The following NMT2 variants were observed in gnomAD, a reference collection of about 807,000 sequenced individuals.
The protein encoded by NMT2 is glycylpeptide N-tetradecanoyltransferase 2.
A neutral mutation model predicts 65.4 loss-of-function variants in NMT2; 35 were observed. The observed-to-expected ratio is 0.54, with a 90% CI of 0.41 to 0.71. The LOEUF is 0.71. NMT2 is among the 30% of genes least tolerant of loss of function. The probability of loss-of-function intolerance (pLI) is 0.00; values close to 1 mark genes in which losing one functional copy is unlikely to be tolerated. For synonymous variants in NMT2, 226 were observed against 231.8 expected, an observed-to-expected ratio of 0.98 and a Z score of 0.23; for missense variants, 489 against 611.3, an observed-to-expected ratio of 0.80 and a Z score of 2.11.
intron 1 of NMT2, among the ~76,000 whole-genome samples, chr10:15,166,880 G>A (rs1588469776): frequency 6.6e-6 from 1 of 152,146 alleles, no homozygotes; most frequent in African/African-American, 2.4e-5. Context: ...TGTACCAGGG[G>A]CATTCTCAAC....
chr10:15,137,942 C>A (rs1846575615), intron 2 of NMT2, among the ~76,000 whole-genome samples: 1 of 152,020 alleles, frequency 6.6e-6, no homozygotes, highest in Admixed American at 6.6e-5. Flanking sequence ...ATGAAATGTC[C>A]CTTTGCGAAA....
intron 1 of NMT2, among the ~76,000 whole-genome samples, chr10:15,157,301 G>A (rs1833036380): frequency 6.6e-6 from 1 of 152,194 alleles, no homozygotes; most frequent in African/African-American, 2.4e-5. Context: ...TCCTAAGGCT[G>A]GGAAAGCATG....
chr10:15,148,103 C>T lies in NMT2; in HGVS notation c.111-6546G>A, dbSNP rs111401862. 6.2e-3 allele frequency among the ~76,000 whole-genome samples: 945 copies of T among 152,322 alleles called. 9 individuals carry two copies. Among genetic ancestry groups the T allele is most frequent in the African/African-American group, 0.022 (908 of 41,570 alleles). On this transcript the variant is annotated intron_variant, in intron 1 of 11. Coordinates refer to ENST00000378165, the MANE Select transcript of NMT2 (RefSeq NM_004808.3). ...ACTGCAGGCATTAAGTAGAGTTTGA[C>T]TACCTGGCTTTGAATCCTGACTCCA...
chr10:15,128,257 C>T (rs1300821429), intron 8 of NMT2, 93 bp downstream of exon 8: 1 of 754,480 alleles, frequency 1.3e-6, no homozygotes, highest in Non-Finnish European at 2.3e-6. Flanking sequence ...TCAGACACAC[C>T]AGTCAGTTTT....
At chr10:15,131,847 T>C (rs1846296989) in intron 6 of NMT2, among the ~76,000 whole-genome samples, 1 of 152,136 alleles carries the variant, frequency 6.6e-6, no homozygotes, top group Non-Finnish European at 1.5e-5. Context: ...GAAAGCTTTA[T>C]CTCTCCTAAA....
chr10:15,112,202 ATATATATATATATATTTTTTTTT>A (rs1845562990), intron 10 of NMT2, among the ~76,000 whole-genome samples: 2 of 16,490 alleles, frequency 1.2e-4, no homozygotes, highest in African/African-American at 5.5e-4. Context: ...ATATATATAT[ATATATATATATATATTTTTTTTT>A]TTTTTTTTTT....
chr10:15,161,684 G>A (rs1044712006), intron 1 of NMT2, among the ~76,000 whole-genome samples: 4 of 152,060 alleles, frequency 2.6e-5, no homozygotes, highest in Admixed American at 2.0e-4. Flanking sequence ...TATAAAGAAC[G>A]ATGGAAACCC....
At chr10:15,121,371 CAG>C (rs1845925122) in intron 8 of NMT2, among the ~76,000 whole-genome samples, 1 of 152,056 alleles carries the variant, frequency 6.6e-6, no homozygotes, top group Non-Finnish European at 1.5e-5. Context: ...AGGGGGAAAA[CAG>C]GTGTTTTTTT....
Position 15,130,209 on chromosome 10 carries a change from G to C in NMT2, c.823C>G (p.Leu275Val). ...LIREITRRVN[L>V]EGIFQAVYTA... ...TACACAGCCTGGAAGATCCCTTCCA[G>C]GTTCACTCTTCTAGTGATCTCTCGG... The change falls in exon 7 of 12, where the codon CTG becomes GTG. Residue 275 changes from leucine (L) to valine (V), a missense_variant. Physicochemically the swap from Leu to Val is conservative, Grantham distance 32 (BLOSUM62 1). Coordinates refer to ENST00000378165, the MANE Select transcript of NMT2 (RefSeq NM_004808.3). 6.2e-7 allele frequency: 1 copy of C among 1,607,320 alleles called. No homozygotes were observed.
At chr10:15,153,885 T>C (rs950204755) in intron 1 of NMT2, among the ~76,000 whole-genome samples, 7 of 151,978 alleles carry the variant, frequency 4.6e-5, no homozygotes, top group East Asian at 1.9e-4. Context: ...GATCTCCTGA[T>C]CTCGTGATCC....
intron 10 of NMT2, 34 bp from the exon 11 acceptor site, chr10:15,109,873 A>T: frequency 6.4e-7 from 1 of 1,558,786 alleles, no homozygotes; most frequent in Non-Finnish European, 8.7e-7. Flanking sequence ...AATTTAAAAC[A>T]AAGGACTAGT....
intron 8 of NMT2, among the ~76,000 whole-genome samples, chr10:15,121,633 C>T (rs530026470): frequency 1.9e-4 from 29 of 152,302 alleles, no homozygotes; most frequent in African/African-American, 6.0e-4. Flanking sequence ...TCCCAAAGTG[C>T]TGGGATTACA....
chr10:15,108,187 T>C lies in NMT2; in HGVS notation c.*1008A>G. 6 of 976,308 alleles carry C rather than the reference T, an allele frequency of 6.1e-6. No individual in the cohort carries two copies. The highest frequency in any genetic ancestry group is 2.0e-5 in the African/African-American group (1 of 50,414). The allele number at this position is 976,308 out of a possible 1,614,324, so 60.5% of individuals were successfully genotyped here. On this transcript the variant is annotated 3_prime_UTR_variant, in exon 12 of 12. Coordinates refer to ENST00000378165, the MANE Select transcript of NMT2 (RefSeq NM_004808.3). The stretch of plus-strand genomic sequence containing the variant: ...TAGTTAGTCGCGGGTACAGGCTCTT[T>C]CTTTTTTTTTTTTTTTGAGACGGAG...
At position 15,128,365 on chromosome 10, in the gene NMT2, T is replaced by C. The variant is rs752526366; in HGVS notation, c.984A>G (p.Leu328=). 6.3e-7 allele frequency: 1 copy of C among 1,583,952 alleles called. No homozygotes were observed. The highest frequency in any genetic ancestry group is 1.1e-5 in the South Asian group (1 of 90,108). Residue 328 remains leucine (L), a synonymous_variant, in exon 8 of 12, where the codon CTA becomes CTG. Transcript: ENST00000378165. ...TCTTACTTACATCTGGAAGTCTGTA[T>C]AGCTTCATTGTTCTCTGTAAAGTCA... ...RNMTLQRTMK[L]YRLPDVTKTS...
chr10:15,137,441 A>G (rs571251810), intron 2 of NMT2, among the ~76,000 whole-genome samples: 4 of 152,266 alleles, frequency 2.6e-5, no homozygotes, highest in South Asian at 2.1e-4. Flanking sequence ...TCTCATTATT[A>G]TATCTTTGGA....
At chr10:15,157,106 T>A (rs1833029000) in intron 1 of NMT2, among the ~76,000 whole-genome samples, 1 of 151,962 alleles carries the variant, frequency 6.6e-6, no homozygotes, top group Admixed American at 6.6e-5. Context: ...GTTAACTGAA[T>A]CCCCAACCTT....
intron 2 of NMT2, chr10:15,139,867 A>C (rs1846672952): frequency 1.3e-4 from 2 of 15,160 alleles, no homozygotes; most frequent in South Asian, 1.5e-3. Context: ...CAACTACTAT[A>C]TATATATATA....
rs1336094539 is a variant in NMT2, at chr10:15,112,980, T to G, written c.1171-17A>C. ...GTTGGGGCTCTAGGAGCAAAAGTGC[T>G]GTCAGACAGAGATCTCCTTGAACCA... On this transcript the variant is annotated splice_polypyrimidine_tract_variant and intron_variant, in intron 9 of 11. Transcript: ENST00000378165. The G allele has an allele frequency of 1.2e-6, 2 of 1,613,162 alleles. No homozygotes were observed. Among genetic ancestry groups the G allele is most frequent in the Non-Finnish European group, 1.7e-6 (2 of 1,179,392 alleles).
At chr10:15,146,277 A>G (rs1224775931) in intron 1 of NMT2, among the ~76,000 whole-genome samples, 1 of 152,220 alleles carries the variant, frequency 6.6e-6, no homozygotes, top group African/African-American at 2.4e-5. Flanking sequence ...GCAAAAATTT[A>G]ATGAGCACAT....
Sources: allele counts gnomAD v4.1 joint callset (sites outside exome capture counted in the v4.1 genomes callset), GRCh38; gene constraint gnomAD v4.1.1; transcripts MANE v1.5; gene names NCBI Gene and HGNC (gene_info 2026-07-23, HGNC 2026-07-21).